Variants in KALRN observed in about 807,000 individuals in gnomAD.
KALRN encodes the protein kalirin RhoGEF kinase, also known as kalirin.
Under a neutral mutation model 353.7 loss-of-function variants are expected in KALRN, and 70 were observed. The ratio of observed to expected loss-of-function variants is 0.20; its 90% CI spans 0.16 to 0.24. The LOEUF (loss-of-function observed/expected upper bound fraction) is 0.24, where lower values mean the gene tolerates loss of function less well. Among genes scored for constraint, KALRN ranks in the 10% least tolerant of loss-of-function variants. The pLI is 1.00. For synonymous variants in KALRN, 1,391 were observed against 1,434.8 expected, an observed-to-expected ratio of 0.97 and a Z score of 0.69; for missense variants, 2,791 against 3,756.7, an observed-to-expected ratio of 0.74 and a Z score of 6.72.
At chr3:124,513,024 T>C (rs2066122486) in intron 33 of KALRN, among the ~76,000 whole-genome samples, 1 of 152,138 alleles carries the variant, frequency 6.6e-6, no homozygotes, top group South Asian at 2.1e-4. Context: ...GGTGATCCGC[T>C]CTCAGGACCT....
At chr3:124,109,320 C>T (rs953951270) in intron 1 of KALRN, among the ~76,000 whole-genome samples, 1 of 151,620 alleles carries the variant, frequency 6.6e-6, no homozygotes. Flanking sequence ...TAGATAATTT[C>T]CTCTGACATA....
chr3:124,166,551 G>T (rs1266559632), intron 1 of KALRN, among the ~76,000 whole-genome samples: 4 of 151,996 alleles, frequency 2.6e-5, no homozygotes, highest in African/African-American at 9.7e-5. Flanking sequence ...ATTATATTAT[G>T]TCTCTCCCTA....
At chr3:124,553,741 A>G (rs1320014242) in intron 33 of KALRN, among the ~76,000 whole-genome samples, 7 of 152,236 alleles carry the variant, frequency 4.6e-5, no homozygotes, top group Admixed American at 4.6e-4. Context: ...AAACAGCAGT[A>G]TAGACAGCCT....
intron 10 of KALRN, among the ~76,000 whole-genome samples, chr3:124,349,912 C>T (rs1272310205): frequency 6.6e-6 from 1 of 152,118 alleles, no homozygotes; most frequent in Admixed American, 6.5e-5. Context: ...CACAGGTATC[C>T]CCTGACTGCT....
intron 51 of KALRN, among the ~76,000 whole-genome samples, chr3:124,684,948 C>G (rs1021582085): frequency 6.6e-6 from 1 of 152,088 alleles, no homozygotes; most frequent in Admixed American, 6.6e-5. Context: ...CCCCACTCCC[C>G]GCCAACTACC....
intron 33 of KALRN, among the ~76,000 whole-genome samples, chr3:124,496,780 G>A (rs1054091608): frequency 6.6e-6 from 1 of 152,226 alleles, no homozygotes; most frequent in African/African-American, 2.4e-5. Flanking sequence ...AGTTGGAATA[G>A]TGTCCTGAGA....
chr3:124,146,714 C>A (rs2067380733), intron 1 of KALRN, among the ~76,000 whole-genome samples: 1 of 151,738 alleles, frequency 6.6e-6, no homozygotes, highest in African/African-American at 2.4e-5. Context: ...CCCATCTCTA[C>A]TAAAAATACA....
chr3:124,655,717 T>C (rs910924226), intron 39 of KALRN, 50 bp downstream of exon 39: 5 of 1,384,832 alleles, frequency 3.6e-6, no homozygotes, highest in East Asian at 2.3e-5. Context: ...CAGGAGCACG[T>C]TGGACCCTAC....
chr3:124,676,761 T>A (rs1343029931), intron 49 of KALRN, among the ~76,000 whole-genome samples: 1 of 152,088 alleles, frequency 6.6e-6, no homozygotes, highest in Non-Finnish European at 1.5e-5. Flanking sequence ...GCCAGGGACA[T>A]GGGTTTGGGA....
intron 33 of KALRN, among the ~76,000 whole-genome samples, chr3:124,560,123 G>A (rs1294745901): frequency 1.3e-5 from 2 of 152,228 alleles, no homozygotes; most frequent in East Asian, 3.8e-4. Context: ...CCAGCCCATG[G>A]GTCTGATTGT....
chr3:124,084,484 G>A (rs1273394482), intron 1 of KALRN, among the ~76,000 whole-genome samples: 1 of 152,206 alleles, frequency 6.6e-6, no homozygotes, highest in Non-Finnish European at 1.5e-5. Context: ...ACTTGCTCAG[G>A]AAAAGCACAT....
At chr3:124,391,068 A>G (rs1226576017) in intron 11 of KALRN, among the ~76,000 whole-genome samples, 2 of 152,166 alleles carry the variant, frequency 1.3e-5, no homozygotes, top group Non-Finnish European at 2.9e-5. Flanking sequence ...GGATGTAGAT[A>G]TTTTTGGCCA....
intron 2 of KALRN, among the ~76,000 whole-genome samples, chr3:124,229,416 C>A (rs1281807469): frequency 2.0e-5 from 3 of 152,216 alleles, no homozygotes; most frequent in African/African-American, 7.2e-5. Flanking sequence ...GTGTTAGTAG[C>A]GAAAGATTGT....
rs928557514 is a variant in KALRN, at chr3:124,519,455, C to A, written c.4935+23042C>A. The A allele has an allele frequency of 6.1e-6, 6 of 985,142 alleles. No homozygotes were observed. In the South Asian group the frequency reaches 2.3e-4, roughly 39 times the overall value. 61.0% of individuals were successfully genotyped at this position (985,142 alleles called of 1,614,324 possible). On this transcript the variant is annotated intron_variant, in intron 33 of 59. Coordinates refer to ENST00000682506, the MANE Select transcript of KALRN (RefSeq NM_001388419.1). ...GATGATTCCATTTCATATATACACT[C>A]ATTTTCTAACTTTTTTTAAAGGCCC...
chr3:124,272,724 C>T (rs538341226), intron 5 of KALRN, among the ~76,000 whole-genome samples: 2 of 152,308 alleles, frequency 1.3e-5, no homozygotes, highest in East Asian at 3.9e-4. Flanking sequence ...CTTGACCCAG[C>T]TGCCACTGAA....
intron 1 of KALRN, among the ~76,000 whole-genome samples, chr3:124,112,120 T>C (rs1390085424): frequency 6.6e-6 from 1 of 151,938 alleles, no homozygotes; most frequent in Non-Finnish European, 1.5e-5. Context: ...CTGGCCAACA[T>C]GGTGAAACCT....
At chr3:124,309,804 C>G (rs1263808152) in intron 6 of KALRN, among the ~76,000 whole-genome samples, 1 of 152,162 alleles carries the variant, frequency 6.6e-6, no homozygotes, top group Non-Finnish European at 1.5e-5. Context: ...AAAAGGGCAT[C>G]TACAAAAATT....
chr3:124,505,028 G>T (rs1215594885), intron 33 of KALRN: 1 of 471,250 alleles, frequency 2.1e-6, no homozygotes, highest in Non-Finnish European at 4.4e-6. Context: ...GGAGGGGAGA[G>T]CAAAGCTTGG....
chr3:124,304,221 G>A (rs2077501217), intron 6 of KALRN, among the ~76,000 whole-genome samples: 1 of 151,842 alleles, frequency 6.6e-6, no homozygotes, highest in Admixed American at 6.6e-5. Context: ...TCCCTTAGTA[G>A]ACATAGAACT....
Sources: gnomAD v4.1 joint callset for allele counts (sites outside exome capture counted in the v4.1 genomes callset) on GRCh38, gnomAD v4.1.1 for gene constraint, MANE v1.5 for transcripts, NCBI Gene and HGNC (gene_info 2026-07-23, HGNC 2026-07-21) for gene names.